The following TXNL4A variants were observed in gnomAD, a reference collection of about 807,000 sequenced individuals.
The protein encoded by TXNL4A is thioredoxin like 4A.
Under a neutral mutation model 14.6 loss-of-function variants are expected in TXNL4A, and 17 were observed. That is an observed-to-expected ratio of 1.16 (90% CI 0.80 to 1.74). The LOEUF is 1.74. Among genes scored for constraint, TXNL4A ranks in the 40% most tolerant of loss-of-function variants. TXNL4A has a pLI of 0.00. For missense variants in TXNL4A, 74 were observed against 195.2 expected (o/e 0.38, Z 3.70); for synonymous variants, 83 against 70.6 (o/e 1.18, Z -0.88).
In TXNL4A at chr18:79,988,299, G is replaced by T; in HGVS notation, c.94C>A (p.His32Asn). 1 of 1,604,828 alleles carries T rather than the reference G, an allele frequency of 6.2e-7. No individual in the cohort carries two copies. Residue 32 changes from histidine to asparagine, a missense_variant, in exon 1 of 3, where the codon CAC (histidine) becomes AAC (asparagine). Physicochemically the swap from His to Asn is moderately conservative, Grantham distance 68. Around this residue, in one of 3 missense-constraint regions of TXNL4A, gnomAD observed 55 missense variants for 116.1 expected, o/e 0.47. Transcript: ENST00000269601. ...TTCATGCACGTAGGATCCCAGTCGTGGCCGAAGCGGATGACGACCACGCGG... is the reference window on the plus strand; with the variant it reads ...TTCATGCACGTAGGATCCCAGTCGTTGCCGAAGCGGATGACGACCACGCGG... ...EDRVVVIRFG[H>N]DWDPTCMKMD...
chr18:79,991,300 C>T (rs1042477892), upstream of TXNL4A, among the ~76,000 whole-genome samples: 3 of 152,008 alleles, frequency 2.0e-5, no homozygotes, highest in Non-Finnish European at 4.4e-5. Context: ...ATTCCCTCAG[C>T]CCCTGGCAAT....
intron 1 of TXNL4A, among the ~76,000 whole-genome samples, chr18:80,001,059 G>T (rs941219920): frequency 6.6e-6 from 1 of 152,214 alleles, no homozygotes; most frequent in African/African-American, 2.4e-5. Flanking sequence ...ATGTTTTTTG[G>T]TGCCTGGCCC....
Position 79,988,501 on chromosome 18 carries a change from G to C in TXNL4A, c.-109C>G. 1 of 1,188,306 alleles carries C rather than the reference G, an allele frequency of 8.4e-7. No homozygotes were observed. The highest frequency in any genetic ancestry group is 4.3e-5 in the Admixed American group (1 of 23,064). The allele number at this position is 1,188,306 out of a possible 1,614,324, so 73.6% of individuals were successfully genotyped here. On this transcript the variant is annotated 5_prime_UTR_variant, in exon 1 of 3. Transcript: ENST00000269601. ...GGCCCCCGCCGCCCCCGGGCCCACG[G>C]ACGAAATCCGGTCCCGCCCGCACAC...
chr18:79,976,421 C>G (rs1438671964), intron 2 of TXNL4A, among the ~76,000 whole-genome samples: 1 of 152,150 alleles, frequency 6.6e-6, no homozygotes, highest in African/African-American at 2.4e-5. Flanking sequence ...TCTCTGGCAG[C>G]AGAGTGGCCT....
Position 80,009,516 on chromosome 18 carries a change from C to T in TXNL4A, c.-61+24335G>A, listed in dbSNP as rs147644457. ...GGCTGTTACCAGTGGCAAGTTTATA[C>T]GGGTCTGCAGCAACTTTATTCTTGC... On this transcript the variant is annotated intron_variant, in intron 1 of 2. Transcript: ENST00000585474. Among the ~76,000 whole-genome samples the T allele has an allele frequency of 1.6e-4, 24 of 152,244 alleles. No individual in the cohort carries two copies. The East Asian group carries it at 3.1e-3, about 20-fold the overall frequency.
chr18:79,997,395 C>CAA (rs145124746), intron 1 of TXNL4A, among the ~76,000 whole-genome samples: 25 of 148,422 alleles, frequency 1.7e-4, no homozygotes, highest in Non-Finnish European at 2.2e-4. Context: ...AAAACAAAAA[C>CAA]AAAAAAAAAC....
rs560935764 is a variant in TXNL4A, at chr18:79,978,461, G to T, written c.154-760C>A. On this transcript the variant is annotated intron_variant, in intron 1 of 2. Coordinates refer to ENST00000269601, the MANE Select transcript of TXNL4A (RefSeq NM_006701.5). ...AGTCAGAAAAATAAAAAGAAAATAAGATCACCTCCAATCCCAACACCTAGG... is the reference window on the plus strand; with the variant it reads ...AGTCAGAAAAATAAAAAGAAAATAATATCACCTCCAATCCCAACACCTAGG... Among the ~76,000 whole-genome samples, 270 of 152,188 alleles carry T rather than the reference G, an allele frequency of 1.8e-3. 1 individual carries two copies. The highest frequency in any genetic ancestry group is 6.0e-3 in the African/African-American group (248 of 41,512).
chr18:80,005,176 G>A (rs1044862212), intron 1 of TXNL4A, among the ~76,000 whole-genome samples: 1 of 152,180 alleles, frequency 6.6e-6, no homozygotes, highest in Non-Finnish European at 1.5e-5. Flanking sequence ...GCATGCAGAG[G>A]GAAGGCCCTG....
intron 1 of TXNL4A, among the ~76,000 whole-genome samples, chr18:79,983,595 G>A (rs1477246200): frequency 6.6e-6 from 1 of 152,132 alleles, no homozygotes; most frequent in Non-Finnish European, 1.5e-5. Context: ...CAGTTGATTA[G>A]CACAACAAAT....
At chr18:79,996,023 G>T (rs1007940335) in intron 1 of TXNL4A, among the ~76,000 whole-genome samples, 4 of 137,272 alleles carry the variant, frequency 2.9e-5, no homozygotes, top group African/African-American at 5.3e-5. Context: ...AGAATGGCGT[G>T]AACCTGGGAG....
At chr18:79,986,500 G>T (rs2145084427) in intron 1 of TXNL4A, 1 of 864,518 alleles carries the variant, frequency 1.2e-6, no homozygotes, top group Non-Finnish European at 1.4e-6. Flanking sequence ...TGTCCACTAT[G>T]TGTGTCCACT....
At chr18:80,005,839 C>T (rs1816312) in intron 1 of TXNL4A, among the ~76,000 whole-genome samples, 1 of 152,006 alleles carries the variant, frequency 6.6e-6, no homozygotes, top group African/African-American at 2.4e-5. Context: ...GCTTGAACCG[C>T]GAGGCAGAGG....
Position 80,032,328 on chromosome 18 carries a change from T to A in TXNL4A, c.-61+1523A>T, listed in dbSNP as rs183616743. On this transcript the variant is annotated intron_variant, in intron 1 of 2. Transcript: ENST00000585474. The stretch of plus-strand genomic sequence containing the variant: ...CACATTCCTTTTTAAAATGCTTTTC[T>A]CCAAAAGATTTTAAAGAAAAAAAAG... Among the ~76,000 whole-genome samples, 453 of 151,982 alleles carry A rather than the reference T, an allele frequency of 3.0e-3. 2 individuals are homozygous for A. The highest frequency in any genetic ancestry group is 3.8e-3 in the Non-Finnish European group (259 of 67,978).
At chr18:80,032,914 G>A (rs532413758) in intron 1 of TXNL4A, among the ~76,000 whole-genome samples, 5 of 152,284 alleles carry the variant, frequency 3.3e-5, no homozygotes, top group Non-Finnish European at 5.9e-5. Flanking sequence ...TAGCCCATCT[G>A]ATTGTTCCCC....
intron 1 of TXNL4A, among the ~76,000 whole-genome samples, chr18:79,987,681 G>A (rs569458171): frequency 3.9e-5 from 6 of 152,120 alleles, no homozygotes; most frequent in Non-Finnish European, 8.8e-5. Flanking sequence ...GAAATTCAGA[G>A]AACTAATTCT....
intron 1 of TXNL4A, among the ~76,000 whole-genome samples, chr18:79,997,921 G>A (rs1343068856): frequency 6.6e-6 from 1 of 152,162 alleles, no homozygotes; most frequent in African/African-American, 2.4e-5. Context: ...GACAGAGTGA[G>A]AGGAATTTTA....
intron 1 of TXNL4A, among the ~76,000 whole-genome samples, chr18:80,013,583 C>A (rs1041264883): frequency 6.6e-6 from 1 of 152,060 alleles, no homozygotes; most frequent in Non-Finnish European, 1.5e-5. Flanking sequence ...TACTGGCATG[C>A]GCCACCACGC....
chr18:79,976,738 T>G, intron 2 of TXNL4A: 1 of 455,852 alleles, frequency 2.2e-6, no homozygotes, highest in Non-Finnish European at 4.4e-6. Flanking sequence ...GCTCCACTTT[T>G]GGAGAATGGT....
At chr18:79,995,226 G>T (rs1206226461) in intron 1 of TXNL4A, 1 of 152,194 alleles carries the variant, frequency 6.6e-6, no homozygotes, top group Non-Finnish European at 1.5e-5. Context: ...CCACATACTG[G>T]TCTCAGAAGC....
Sources: gnomAD v4.1 joint callset for allele counts (sites outside exome capture counted in the v4.1 genomes callset) on GRCh38, gnomAD v4.1.1 for gene constraint, gnomAD v4.1.1 regional missense constraint, MANE v1.5 for transcripts, NCBI Gene and HGNC (gene_info 2026-07-23, HGNC 2026-07-21) for gene names.